Variants in PPARGC1B observed in about 807,000 individuals in gnomAD.
The protein encoded by PPARGC1B is PPARG coactivator 1 beta, also known as peroxisome proliferator-activated receptor gamma coactivator 1-beta.
In PPARGC1B, 34 loss-of-function variants were observed where a neutral mutation model predicts 101.6. That is an observed-to-expected ratio of 0.33 (90% confidence interval 0.25 to 0.45). PPARGC1B has a LOEUF of 0.45. Among genes scored for constraint, PPARGC1B ranks in the 20% least tolerant of loss-of-function variants. The pLI, the probability that PPARGC1B is intolerant of heterozygous loss-of-function variation, is 1.00. For missense variants in PPARGC1B, 1,234 were observed against 1,317.6 expected (o/e 0.94, Z 0.98); for synonymous variants, 548 against 539.3 (o/e 1.02, Z -0.22).
At chr5:149,818,709 C>T in intron 1 of PPARGC1B, 1 of 398,864 alleles carries the variant, frequency 2.5e-6, no homozygotes, top group Non-Finnish European at 5.0e-6. Context: ...TGAGAAGTTC[C>T]CGCTCCTCTC....
In PPARGC1B at chr5:149,833,338, G is replaced by A. The variant is rs376796808; in HGVS notation, c.1265G>A (p.Arg422Gln). Residue 422 changes from arginine (R) to glutamine (Q), a missense_variant, in exon 5 of 12, where the codon CGG (arginine) becomes CAG (glutamine). By Grantham distance (43) the Arg-to-Gln change is conservative (BLOSUM62 1). Transcript: ENST00000309241. This position sits in a 1 kb window ranked among gnomAD's most constrained non-coding sequence, Gnocchi z 4.1. ...CTGGAGGTGAAAAGGGAGGTCCGCC[G>A]GCCTGCCAGACTGCAGCAGCAGGAG... ...LRLEVKREVR[R>Q]PARLQQQEEE... 2.7e-5 allele frequency: 44 copies of A among 1,613,420 alleles called. 1 individual carries two copies. The highest frequency in any genetic ancestry group is 6.7e-5 in the Admixed American group (4 of 60,022).
At chr5:149,805,807 A>G (rs741579) in intron 1 of PPARGC1B, among the ~76,000 whole-genome samples, 1,835 of 152,374 alleles carry the variant, frequency 0.012, 31 homozygotes, top group African/African-American at 0.041. Flanking sequence ...GGTTGCCACT[A>G]TATGACTTTT....
At chr5:149,744,323 G>A (rs1177855095) in intron 1 of PPARGC1B, among the ~76,000 whole-genome samples, 2 of 152,222 alleles carry the variant, frequency 1.3e-5, no homozygotes, top group Admixed American at 1.3e-4. Flanking sequence ...GGTTCTGTTA[G>A]TGTGTGCCTA....
intron 1 of PPARGC1B, among the ~76,000 whole-genome samples, chr5:149,748,121 A>G (rs958054676): frequency 2.0e-5 from 3 of 152,104 alleles, no homozygotes; most frequent in African/African-American, 4.8e-5. Context: ...GTTCCAGGTG[A>G]TGAGCACAGC....
At chr5:149,773,898 G>A (rs1581037502) in intron 1 of PPARGC1B, among the ~76,000 whole-genome samples, 1 of 152,132 alleles carries the variant, frequency 6.6e-6, no homozygotes, top group South Asian at 2.1e-4. Context: ...GGCTCAGCCT[G>A]CCCCACCTCT....
intron 1 of PPARGC1B, 110 bp from the exon 2 acceptor site, chr5:149,820,323 A>T: frequency 1.9e-6 from 2 of 1,038,920 alleles, no homozygotes; most frequent in East Asian, 4.8e-5. Context: ...ATTTGGCAAA[A>T]TCGGGCCTTG....
intron 1 of PPARGC1B, among the ~76,000 whole-genome samples, chr5:149,779,440 C>A (rs550878011): frequency 6.6e-6 from 1 of 152,286 alleles, no homozygotes; most frequent in South Asian, 2.1e-4. Context: ...CTTCAGGCAC[C>A]ACTGCAACAT....
At chr5:149,827,830 C>T (rs528730217) in intron 3 of PPARGC1B, among the ~76,000 whole-genome samples, 4 of 152,216 alleles carry the variant, frequency 2.6e-5, no homozygotes, top group Admixed American at 6.5e-5. Flanking sequence ...TGGAAGCAGT[C>T]GCTCTCAATC....
At chr5:149,840,823 A>C (rs1368473975) in intron 9 of PPARGC1B, among the ~76,000 whole-genome samples, 3 of 151,656 alleles carry the variant, frequency 2.0e-5, no homozygotes, top group Non-Finnish European at 4.4e-5. Flanking sequence ...AGACAAACAG[A>C]CTCCTGCTGA....
At position 149,830,055 on chromosome 5, in the gene PPARGC1B, G is replaced by GA. The variant is rs71587791; in HGVS notation, c.466-697dup. ...CAAAAAAAAAAAAAAAAAAAAAAAA[G>GA]AAAAAAAAAAAAAAACAGGGTGGGT... On this transcript the variant is annotated intron_variant, in intron 3 of 11. Transcript: ENST00000309241. 1.1e-3 allele frequency among the ~76,000 whole-genome samples: 100 copies of GA among 89,804 alleles called. 1 individual carries two copies. The highest frequency in any genetic ancestry group is 4.9e-3 in the East Asian group (14 of 2,852). The allele number at this position is 89,804 out of a possible 152,430, so 58.9% of individuals were successfully genotyped here. A position where few individuals can be genotyped will look rare whatever the true frequency, so the allele number is the denominator to read the frequency against.
In PPARGC1B at chr5:149,837,065, G is replaced by A. The variant is rs769251899; in HGVS notation, c.2610G>A (p.Arg870=). Residue 870 remains arginine (R), a synonymous_variant, in exon 8 of 12, where the codon AGG becomes AGA. Transcript: ENST00000309241. The surrounding 1 kb of genome is among the most constrained non-coding windows in gnomAD (Gnocchi z 4.2). ...PCHSWSPATR[R]NFRCESRGPC... is the part of the protein sequence containing the mutation. The stretch of plus-strand genomic sequence containing the variant: ...ACTCCTGGTCACCAGCCACTCGAAG[G>A]AACTTCAGGTATGAACAGGGGGCTG... 24 of 1,612,100 alleles carry A rather than the reference G, an allele frequency of 1.5e-5. No homozygotes were observed. The South Asian group carries it at 2.5e-4, about 17-fold the overall frequency.
intron 1 of PPARGC1B, among the ~76,000 whole-genome samples, chr5:149,817,010 T>C (rs530473073): frequency 6.6e-6 from 1 of 152,298 alleles, no homozygotes; most frequent in African/African-American, 2.4e-5. Flanking sequence ...TCTAGTGTCA[T>C]CTTTTCCCAT....
intron 1 of PPARGC1B, among the ~76,000 whole-genome samples, chr5:149,761,908 A>C (rs960594464): frequency 6.6e-6 from 1 of 152,096 alleles, no homozygotes; most frequent in African/African-American, 2.4e-5. Flanking sequence ...TGTGAGGGTA[A>C]AATAATATAT....
At chr5:149,798,028 A>C (rs1757294803) in intron 1 of PPARGC1B, among the ~76,000 whole-genome samples, 1 of 152,226 alleles carries the variant, frequency 6.6e-6, no homozygotes, top group South Asian at 2.1e-4. Flanking sequence ...TGGCTCAAAA[A>C]AGGTTAAGGA....
At chr5:149,818,469 C>G (rs932568429) in intron 1 of PPARGC1B, among the ~76,000 whole-genome samples, 2 of 152,274 alleles carry the variant, frequency 1.3e-5, no homozygotes, top group South Asian at 2.1e-4. Context: ...AGGGGACCGG[C>G]CGCTTGAGAG....
intron 1 of PPARGC1B, among the ~76,000 whole-genome samples, chr5:149,780,125 G>T (rs886114125): frequency 1.3e-5 from 2 of 152,236 alleles, no homozygotes; most frequent in African/African-American, 4.8e-5. Flanking sequence ...TGTTTCTGCT[G>T]CAGGGTCTGG....
At chr5:149,763,554 G>C (rs1213792763) in intron 1 of PPARGC1B, among the ~76,000 whole-genome samples, 2 of 125,572 alleles carry the variant, frequency 1.6e-5, no homozygotes, top group Non-Finnish European at 3.3e-5. Context: ...TTTTTTTGCA[G>C]AGGTCTCACT....
intron 11 of PPARGC1B, chr5:149,847,098 T>A: frequency 2.9e-6 from 1 of 342,156 alleles, no homozygotes; most frequent in Non-Finnish European, 5.6e-6. Flanking sequence ...AAAAAAAAAA[T>A]TCTAGTGTTG....
At chr5:149,816,809 C>T (rs1758071920) in intron 1 of PPARGC1B, among the ~76,000 whole-genome samples, 1 of 152,216 alleles carries the variant, frequency 6.6e-6, no homozygotes, top group South Asian at 2.1e-4. Context: ...GCTTTTGGCC[C>T]TCCCTTGTGT....
Sources: allele counts gnomAD v4.1 joint callset (sites outside exome capture counted in the v4.1 genomes callset), GRCh38; gene constraint gnomAD v4.1.1; non-coding constraint Gnocchi (gnomAD v3.1); transcripts MANE v1.5; gene names NCBI Gene and HGNC (gene_info 2026-07-23, HGNC 2026-07-21).